Variants in FBLN2 observed in about 807,000 individuals in gnomAD.
FBLN2 encodes fibulin-2.
A neutral mutation model predicts 123.7 loss-of-function variants in FBLN2; 81 were observed. That is an observed-to-expected ratio of 0.65 (90% CI 0.55 to 0.79). FBLN2 has a LOEUF of 0.79. FBLN2 is among the 30% of genes least tolerant of loss of function. The pLI is 0.00. For missense variants in FBLN2, 1,603 were observed against 1,681.3 expected, an observed-to-expected ratio of 0.95 and a Z score of 0.81; for synonymous variants, 699 against 701.4, an observed-to-expected ratio of 1.00 and a Z score of 0.05.
Position 13,631,342 on chromosome 3 carries a change from T to A in FBLN2, c.3099T>A (p.Cys1033Ter). The A allele has an allele frequency of 6.2e-7, 1 of 1,603,054 alleles. No homozygotes were observed. The highest frequency in any genetic ancestry group is 8.5e-7 in the Non-Finnish European group (1 of 1,175,402). The change falls in exon 16 of 18, where the codon TGT (cysteine) becomes TGA (stop). Residue 1033 changes from cysteine (C) to a stop codon, truncating the protein, a stop_gained. Coordinates refer to ENST00000404922, the MANE Select transcript of FBLN2 (RefSeq NM_001004019.2). LOFTEE classifies it high-confidence loss of function. ...TCTCTCTGACAGACATCGACGAGTG[T>A]GCTCAAGGCGCCGGCATCCTCTGCA... The part of the protein sequence containing the change: ...DGHTCTDIDE[C>*]AQGAGILCTF...
intron 11 of FBLN2, among the ~76,000 whole-genome samples, 174 bp downstream of exon 11, chr3:13,628,143 C>G (rs2124905921): frequency 6.6e-6 from 1 of 152,318 alleles, no homozygotes; most frequent in South Asian, 2.1e-4. Flanking sequence ...CTGGGGGCAC[C>G]ACTGTCCCCA....
At chr3:13,635,255 TA>T (rs1276139024) in intron 16 of FBLN2, among the ~76,000 whole-genome samples, 2 of 151,914 alleles carry the variant, frequency 1.3e-5, no homozygotes, top group African/African-American at 4.8e-5. Flanking sequence ...CCCCTGCCCC[TA>T]CCCCACGGGA....
chr3:13,635,915 TG>T (rs956320237), intron 16 of FBLN2, among the ~76,000 whole-genome samples: 4 of 151,748 alleles, frequency 2.6e-5, no homozygotes, highest in African/African-American at 9.7e-5. Context: ...TAAAATGGGG[TG>T]GGATGGAGGG....
intron 1 of FBLN2, among the ~76,000 whole-genome samples, chr3:13,551,299 G>T (rs745746608): frequency 6.6e-6 from 1 of 152,224 alleles, no homozygotes; most frequent in Non-Finnish European, 1.5e-5. Flanking sequence ...GGGCCACAGG[G>T]CATCTTTGTG....
chr3:13,555,872 C>A (rs1245071558), intron 1 of FBLN2, among the ~76,000 whole-genome samples: 1 of 152,242 alleles, frequency 6.6e-6, no homozygotes, highest in Non-Finnish European at 1.5e-5. Flanking sequence ...GGGGACATTT[C>A]CTCACAAGAT....
intron 2 of FBLN2, among the ~76,000 whole-genome samples, chr3:13,594,387 C>T (rs566055034): frequency 6.6e-5 from 10 of 151,900 alleles, no homozygotes; most frequent in East Asian, 1.9e-4. Context: ...TCTTTCTGGG[C>T]GGGGCAGAGG....
rs142741249 is a variant in FBLN2, at chr3:13,565,181, G to A, written c.-41-5134G>A. On this transcript the variant is annotated intron_variant, in intron 1 of 17. Transcript: ENST00000404922. Reference sequence around the variant, plus strand: ...ACGTTCAAGTGATGGCCCTGAGTACGTAACCCCAGGTGTGAACCCTGCTGC... The same window carrying A: ...ACGTTCAAGTGATGGCCCTGAGTACATAACCCCAGGTGTGAACCCTGCTGC... Among the ~76,000 whole-genome samples, 192 of 152,328 alleles carry A rather than the reference G, an allele frequency of 1.3e-3. 1 individual carries two copies. The highest frequency in any genetic ancestry group is 4.2e-3 in the African/African-American group (173 of 41,570).
intron 1 of FBLN2, among the ~76,000 whole-genome samples, chr3:13,554,224 G>C (rs1353018613): frequency 6.6e-6 from 1 of 152,232 alleles, no homozygotes; most frequent in African/African-American, 2.4e-5. Flanking sequence ...GTGTGGCTGA[G>C]TGCAGCCACC....
intron 2 of FBLN2, among the ~76,000 whole-genome samples, chr3:13,606,827 A>G (rs886272882): frequency 6.8e-6 from 1 of 147,426 alleles, no homozygotes; most frequent in Non-Finnish European, 1.5e-5. Flanking sequence ...GATTTTTTGT[A>G]TTTTTAGTAG....
chr3:13,560,769 G>T (rs761866127), intron 1 of FBLN2, among the ~76,000 whole-genome samples: 1 of 152,032 alleles, frequency 6.6e-6, no homozygotes, highest in Non-Finnish European at 1.5e-5. Context: ...CCTTTTTCTG[G>T]ATTACTGCAA....
At chr3:13,601,484 G>A (rs1276561155) in intron 2 of FBLN2, among the ~76,000 whole-genome samples, 1 of 152,194 alleles carries the variant, frequency 6.6e-6, no homozygotes, top group Non-Finnish European at 1.5e-5. Flanking sequence ...CATCCTGGGA[G>A]GTGGAGGCAG....
chr3:13,607,689 C>G (rs189331474), intron 2 of FBLN2, among the ~76,000 whole-genome samples: 4 of 152,264 alleles, frequency 2.6e-5, no homozygotes, highest in Non-Finnish European at 5.9e-5. Flanking sequence ...TTGGGGAGAC[C>G]TCTCAGGAGA....
intron 2 of FBLN2, among the ~76,000 whole-genome samples, chr3:13,588,752 A>G (rs1428360606): frequency 2.0e-5 from 3 of 152,276 alleles, no homozygotes; most frequent in South Asian, 2.1e-4. Flanking sequence ...TTTTTTATCA[A>G]TCATTATTTA....
intron 2 of FBLN2, among the ~76,000 whole-genome samples, chr3:13,572,441 C>G (rs1703994157): frequency 6.6e-6 from 1 of 152,252 alleles, no homozygotes; most frequent in Non-Finnish European, 1.5e-5. Flanking sequence ...AGGCTCAGGT[C>G]ACACAACCAG....
At chr3:13,628,477 G>A (rs1028230360) in intron 11 of FBLN2, among the ~76,000 whole-genome samples, 1 of 152,146 alleles carries the variant, frequency 6.6e-6, no homozygotes, top group African/African-American at 2.4e-5. Flanking sequence ...TACAGATGCC[G>A]GCCTAGTCCC....
chr3:13,554,923 C>G (rs558481992), intron 1 of FBLN2, among the ~76,000 whole-genome samples: 3 of 149,966 alleles, frequency 2.0e-5, no homozygotes, highest in East Asian at 3.9e-4. Context: ...TTAAAAAATC[C>G]CTTCCCTGTT....
chr3:13,609,321 G>A (rs1304063250), intron 3 of FBLN2, among the ~76,000 whole-genome samples, 192 bp from the exon 4 acceptor site: 1 of 152,218 alleles, frequency 6.6e-6, no homozygotes, highest in East Asian at 1.9e-4. Flanking sequence ...TGGGACCCAG[G>A]CCTGCATCTG....
chr3:13,569,470 G>C (rs922431019), intron 1 of FBLN2, among the ~76,000 whole-genome samples: 2 of 152,056 alleles, frequency 1.3e-5, no homozygotes, highest in African/African-American at 2.4e-5. Flanking sequence ...ACTGGAGTGG[G>C]GACAGGGCCT....
Position 13,609,451 on chromosome 3 carries a change from C to T in FBLN2, c.1419-62C>T, listed in dbSNP as rs111276641. 2.3e-3 allele frequency: 3,396 copies of T among 1,486,716 alleles called. 5 individuals are homozygous for T. Among genetic ancestry groups the T allele is most frequent in the Non-Finnish European group, 2.9e-3 (3,196 of 1,116,788 alleles). The allele number at this position is 1,486,716 out of a possible 1,614,324, so 92.1% of individuals were successfully genotyped here. On this transcript the variant is annotated intron_variant, in intron 3 of 17. Coordinates refer to ENST00000404922, the MANE Select transcript of FBLN2 (RefSeq NM_001004019.2). ...GAGCTTCCCTCCTCTGAGCCTCACT[C>T]ACTTTCCACTCTGGGAGGATGAGGT...
Sources: gnomAD v4.1 joint callset for allele counts (sites outside exome capture counted in the v4.1 genomes callset) on GRCh38, gnomAD v4.1.1 for gene constraint, MANE v1.5 for transcripts, NCBI Gene and HGNC (gene_info 2026-07-23, HGNC 2026-07-21) for gene names.